WWOX: variants seen among roughly 807,000 people sequenced by gnomAD.
The protein encoded by WWOX is WW domain containing oxidoreductase.
A neutral mutation model predicts 46.2 loss-of-function variants in WWOX; 69 were observed. The observed-to-expected ratio is 1.49, with a 90% confidence interval of 1.23 to 1.82. The LOEUF (loss-of-function observed/expected upper bound fraction) is 1.82. WWOX is among the 40% of genes most tolerant of loss of function. The pLI is 0.00. For missense variants in WWOX, 919 were observed against 542.6 expected (o/e 1.69, Z -6.89); for synonymous variants, 359 against 202.6 (o/e 1.77, Z -6.56).
chr16:78,893,836 A>G (rs970681984), intron 8 of WWOX, among the ~76,000 whole-genome samples: 8 of 151,954 alleles, frequency 5.3e-5, no homozygotes, highest in African/African-American at 1.9e-4. Flanking sequence ...AGGAAATCAC[A>G]CTCACACAGT....
intron 5 of WWOX, among the ~76,000 whole-genome samples, chr16:78,357,250 G>T (rs2081315276): frequency 6.6e-6 from 1 of 152,144 alleles, no homozygotes; most frequent in Non-Finnish European, 1.5e-5. Context: ...ATGCCAACAT[G>T]GGAGCCACTA....
chr16:78,428,771 G>C (rs1271932755), intron 7 of WWOX, among the ~76,000 whole-genome samples: 2 of 152,226 alleles, frequency 1.3e-5, no homozygotes, highest in Admixed American at 1.3e-4. Context: ...TACTCAGGAA[G>C]CTGAGGCAGG....
At chr16:78,210,131 A>T (rs971890879) in intron 5 of WWOX, among the ~76,000 whole-genome samples, 2 of 152,200 alleles carry the variant, frequency 1.3e-5, no homozygotes, top group Non-Finnish European at 2.9e-5. Context: ...TCATGTTATG[A>T]CAGAAATCAT....
In WWOX at chr16:78,435,107, T is replaced by C. The variant is rs566428125; in HGVS notation, c.1056+2355T>C. Among the ~76,000 whole-genome samples, 10 of 152,210 alleles carry C rather than the reference T, an allele frequency of 6.6e-5. No homozygotes were observed. In the East Asian group the frequency reaches 1.3e-3, roughly 21 times the overall value. ...GTGACTGTATCATGATATCGGAGTG[T>C]TAGCTGTTTTGGGAGTACGTGTGCT... is the stretch of plus-strand genomic sequence containing the variant. On this transcript the variant is annotated intron_variant, in intron 8 of 8. Transcript: ENST00000566780.
At chr16:78,819,736 T>C (rs2051441317) in intron 8 of WWOX, among the ~76,000 whole-genome samples, 1 of 152,218 alleles carries the variant, frequency 6.6e-6, no homozygotes, top group Non-Finnish European at 1.5e-5. Context: ...GGGGTTCGCC[T>C]GCCCTGCATC....
intron 5 of WWOX, among the ~76,000 whole-genome samples, chr16:78,203,411 A>C (rs1277817805): frequency 6.6e-6 from 1 of 152,198 alleles, no homozygotes; most frequent in Non-Finnish European, 1.5e-5. Context: ...TGGAGAAGAG[A>C]AATTTGTTAG....
chr16:78,809,709 G>A (rs978330604), intron 8 of WWOX, among the ~76,000 whole-genome samples: 3 of 152,162 alleles, frequency 2.0e-5, no homozygotes, highest in Non-Finnish European at 4.4e-5. Flanking sequence ...GAGGCCATGT[G>A]GGCTTTGTTT....
chr16:78,499,058 A>G (rs1351824350), intron 8 of WWOX, among the ~76,000 whole-genome samples: 1 of 152,216 alleles, frequency 6.6e-6, no homozygotes, highest in Non-Finnish European at 1.5e-5. Context: ...GTTTTATTGT[A>G]GTTTCATCCT....
chr16:78,368,513 G>A (rs570471301), intron 5 of WWOX, among the ~76,000 whole-genome samples: 12 of 152,296 alleles, frequency 7.9e-5, no homozygotes, highest in East Asian at 3.9e-4. Context: ...GGCTGCAAGC[G>A]CTAGAAGCTC....
chr16:78,972,065 G>A (rs564509197), intron 8 of WWOX, among the ~76,000 whole-genome samples: 1 of 152,258 alleles, frequency 6.6e-6, no homozygotes, highest in South Asian at 2.1e-4. Context: ...TCTGCCGGAA[G>A]GTCTCCCCGT....
intron 4 of WWOX, among the ~76,000 whole-genome samples, chr16:78,122,512 A>G (rs1280636961): frequency 6.6e-6 from 1 of 152,212 alleles, no homozygotes; most frequent in African/African-American, 2.4e-5. Flanking sequence ...AAATTGTTTT[A>G]CTTAAAACCC....
chr16:78,271,219 C>G (rs55919432), intron 5 of WWOX, among the ~76,000 whole-genome samples: 1 of 152,134 alleles, frequency 6.6e-6, no homozygotes, highest in African/African-American at 2.4e-5. Flanking sequence ...ATCCCATTCA[C>G]AGATGGTTTT....
rs946802061 is a variant in WWOX at position 78,348,473 on chromosome 16, G to A, written c.517-38387G>A. Reference sequence around the variant, plus strand: ...CTGATGCGGTGTTTATTTTATTTTAGTTTTTTGAGACAGGGTCTCTGTCGC... The same window carrying A: ...CTGATGCGGTGTTTATTTTATTTTAATTTTTTGAGACAGGGTCTCTGTCGC... On this transcript the variant is annotated intron_variant, in intron 5 of 8. Coordinates refer to ENST00000566780, the MANE Select transcript of WWOX (RefSeq NM_016373.4). Among the ~76,000 whole-genome samples the A allele has an allele frequency of 1.7e-5, 2 of 120,726 alleles. 1 individual carries two copies. The highest frequency in any genetic ancestry group is 5.6e-5 in the African/African-American group (2 of 35,504). 79.2% of individuals were successfully genotyped at this position (120,726 alleles called of 152,430 possible).
At chr16:78,730,389 C>T (rs575571304) in intron 8 of WWOX, among the ~76,000 whole-genome samples, 4 of 152,030 alleles carry the variant, frequency 2.6e-5, no homozygotes, top group Non-Finnish European at 5.9e-5. Flanking sequence ...GTACCAGGCA[C>T]ACTAGCTCTA....
intron 5 of WWOX, among the ~76,000 whole-genome samples, chr16:78,299,970 A>G (rs1433492185): frequency 6.6e-6 from 1 of 152,196 alleles, no homozygotes; most frequent in Non-Finnish European, 1.5e-5. Context: ...TGTGAAGTCT[A>G]AAAGGCTTGG....
At chr16:79,135,716 A>G (rs1329040483) in intron 8 of WWOX, among the ~76,000 whole-genome samples, 1 of 152,198 alleles carries the variant, frequency 6.6e-6, no homozygotes, top group Non-Finnish European at 1.5e-5. Flanking sequence ...ACAGATGCTG[A>G]TTTGGAGTAT....
chr16:79,031,842 T>TA (rs2047762672), intron 8 of WWOX, among the ~76,000 whole-genome samples: 2 of 134,910 alleles, frequency 1.5e-5, no homozygotes, highest in Admixed American at 1.5e-4. Context: ...TATATATATC[T>TA]TATTATATAT....
chr16:78,282,433 A>C (rs955152827), intron 5 of WWOX, among the ~76,000 whole-genome samples: 2 of 152,150 alleles, frequency 1.3e-5, no homozygotes, highest in Non-Finnish European at 2.9e-5. Flanking sequence ...TGTAAATTGC[A>C]CTGCATTAAG....
chr16:78,227,885 A>G (rs1241923432), intron 5 of WWOX, among the ~76,000 whole-genome samples: 1 of 152,072 alleles, frequency 6.6e-6, no homozygotes. Flanking sequence ...CAAAAAACAA[A>G]CAAAAAGAAA....
Sources: gnomAD v4.1 joint callset for allele counts (sites outside exome capture counted in the v4.1 genomes callset) on GRCh38, gnomAD v4.1.1 for gene constraint, MANE v1.5 for transcripts, NCBI Gene and HGNC (gene_info 2026-07-23, HGNC 2026-07-21) for gene names.